JMJD1C: variants seen among roughly 807,000 people sequenced by gnomAD.
The protein encoded by JMJD1C is jumonji domain-containing protein 1C.
A neutral mutation model predicts 245.3 loss-of-function variants in JMJD1C; 31 were observed. That is an observed-to-expected ratio of 0.13 (90% CI 0.09 to 0.17). The LOEUF is 0.17. Among genes scored for constraint, JMJD1C ranks in the 10% least tolerant of loss-of-function variants. JMJD1C has a pLI of 1.00. For synonymous variants in JMJD1C, 1,057 were observed against 1,017.4 expected (o/e 1.04, Z -0.74); for missense variants, 2,691 against 3,000.2 (o/e 0.90, Z 2.41).
intron 2 of JMJD1C, among the ~76,000 whole-genome samples, chr10:63,309,420 G>C (rs922351052): frequency 8.7e-5 from 13 of 149,396 alleles, no homozygotes; most frequent in Admixed American, 4.0e-4. Context: ...CTTGAACCGG[G>C]GGGGCAGAGG....
intron 2 of JMJD1C, among the ~76,000 whole-genome samples, chr10:63,338,424 A>G (rs1413364831): frequency 6.6e-6 from 1 of 151,846 alleles, no homozygotes; most frequent in African/African-American, 2.4e-5. Context: ...ATGAGCCACC[A>G]TTCTCAGCCC....
rs367560361 is a variant in JMJD1C at position 63,403,986 on chromosome 10, G to A, written c.169-23504C>T. On this transcript the variant is annotated intron_variant, in intron 1 of 25. Transcript: ENST00000399262. Reference sequence around the variant, plus strand: ...AAAAATTAGCCTGGTATGGTGGCACGCACCTGTAGTCCCAGCTACTCAGGA... The same window carrying A: ...AAAAATTAGCCTGGTATGGTGGCACACACCTGTAGTCCCAGCTACTCAGGA... 3.1e-4 allele frequency among the ~76,000 whole-genome samples: 47 copies of A among 151,436 alleles called. No individual in the cohort carries two copies. In the South Asian group the frequency reaches 9.6e-3, roughly 31 times the overall value.
chr10:63,398,111 C>T (rs2132557843), intron 1 of JMJD1C, among the ~76,000 whole-genome samples: 1 of 152,264 alleles, frequency 6.6e-6, no homozygotes, highest in South Asian at 2.1e-4. Flanking sequence ...TTCTCTAAAA[C>T]TATCCATTAT....
At chr10:63,410,739 A>T (rs750338462) in intron 1 of JMJD1C, among the ~76,000 whole-genome samples, 20 of 152,124 alleles carry the variant, frequency 1.3e-4, no homozygotes, top group Admixed American at 2.6e-4. Context: ...TTTGGTTTTC[A>T]TAATACCCCA....
At position 63,191,277 on chromosome 10, in the gene JMJD1C, A is replaced by G. The variant is rs541103191; in HGVS notation, c.6077-169T>C. On this transcript the variant is annotated intron_variant, in intron 16 of 25. Transcript: ENST00000399262. ...TTCCCAAGTAGCTGGGACTACAGGC[A>G]TGTGCCACCAGGCCCAGCTAATTTT... Among the ~76,000 whole-genome samples, 5 of 152,254 alleles carry G rather than the reference A, an allele frequency of 3.3e-5. No individual in the cohort carries two copies. The South Asian group carries it at 8.3e-4, about 25-fold the overall frequency.
At chr10:63,174,618 G>T (rs775333864) in intron 24 of JMJD1C, among the ~76,000 whole-genome samples, 3 of 152,144 alleles carry the variant, frequency 2.0e-5, no homozygotes, top group Admixed American at 6.5e-5. Flanking sequence ...CAGATTACCT[G>T]AAGTCAGGAG....
intron 1 of JMJD1C, among the ~76,000 whole-genome samples, chr10:63,409,209 A>T (rs1444384237): frequency 6.6e-6 from 1 of 152,220 alleles, no homozygotes; most frequent in African/African-American, 2.4e-5. Flanking sequence ...AACCACTCGT[A>T]ATTGACATCT....
At position 63,261,337 on chromosome 10, in the gene JMJD1C, T is replaced by C. The variant is rs1378400578; in HGVS notation, c.447+3314A>G. On this transcript the variant is annotated intron_variant, in intron 3 of 25. Coordinates refer to ENST00000399262, the MANE Select transcript of JMJD1C (RefSeq NM_032776.3). ...GCTCACAACTGTATTCTCAGTACTT[T>C]TGGAGGCCAAGGCGGGGTGGATCAT... Among the ~76,000 whole-genome samples the C allele has an allele frequency of 7.2e-5, 11 of 152,264 alleles. No individual in the cohort carries two copies. In the East Asian group the frequency reaches 7.7e-4, roughly 11 times the overall value.
intron 1 of JMJD1C, among the ~76,000 whole-genome samples, chr10:63,395,801 G>C (rs532175246): frequency 6.6e-6 from 1 of 152,146 alleles, no homozygotes; most frequent in African/African-American, 2.4e-5. Flanking sequence ...CAATAAAGAT[G>C]AATTTCTAAT....
chr10:63,465,447 GC>G (rs1953161052), intron 1 of JMJD1C, 47 bp downstream of exon 1: 1 of 1,520,032 alleles, frequency 6.6e-7, no homozygotes. Context: ...GTCTGCGAGA[GC>G]CGGGTGCGGG....
intron 2 of JMJD1C, among the ~76,000 whole-genome samples, chr10:63,311,598 T>C (rs1363851617): frequency 2.0e-5 from 3 of 152,134 alleles, no homozygotes; most frequent in East Asian, 1.9e-4. Context: ...TAAGTTAAAA[T>C]ACATAATCGA....
intron 3 of JMJD1C, among the ~76,000 whole-genome samples, chr10:63,253,825 G>A (rs908915460): frequency 2.0e-5 from 3 of 152,022 alleles, no homozygotes; most frequent in African/African-American, 7.2e-5. Context: ...CAATACCTCC[G>A]CATCCCTACG....
intron 10 of JMJD1C, among the ~76,000 whole-genome samples, chr10:63,206,361 T>C (rs888893228): frequency 6.6e-6 from 1 of 152,220 alleles, no homozygotes; most frequent in Non-Finnish European, 1.5e-5. Flanking sequence ...TCAGGTAAGA[T>C]ATATATTTCT....
intron 2 of JMJD1C, among the ~76,000 whole-genome samples, chr10:63,296,331 T>C (rs1476557710): frequency 6.6e-6 from 1 of 152,066 alleles, no homozygotes; most frequent in Non-Finnish European, 1.5e-5. Context: ...TCATTAATAT[T>C]GAGATCACGA....
chr10:63,402,708 G>C (rs999609277), intron 1 of JMJD1C, among the ~76,000 whole-genome samples: 1 of 152,106 alleles, frequency 6.6e-6, no homozygotes, highest in Admixed American at 6.5e-5. Flanking sequence ...TTAGACTTCT[G>C]TTAGATTCTC....
chr10:63,284,533 A>G (rs1476523254), intron 2 of JMJD1C, among the ~76,000 whole-genome samples: 1 of 152,162 alleles, frequency 6.6e-6, no homozygotes, highest in Non-Finnish European at 1.5e-5. Flanking sequence ...ACCCTTCATT[A>G]ACTTCATCCA....
Position 63,180,764 on chromosome 10 carries a change from A to G in JMJD1C, c.7084+2683T>C, listed in dbSNP as rs192304169. ...ATTACAGGCATACACCACCATGCAC[A>G]GCTAATTTTTTTTTTTTTTTTTGAG... On this transcript the variant is annotated intron_variant, in intron 22 of 25. Transcript: ENST00000399262. Among the ~76,000 whole-genome samples the G allele has an allele frequency of 3.8e-3, 480 of 126,616 alleles. 3 individuals carry two copies. Among genetic ancestry groups the G allele is most frequent in the African/African-American group, 0.013 (465 of 36,070 alleles). 83.1% of individuals were successfully genotyped at this position (126,616 alleles called of 152,430 possible).
intron 1 of JMJD1C, among the ~76,000 whole-genome samples, chr10:63,414,610 G>A (rs1046885598): frequency 1.3e-5 from 2 of 151,902 alleles, no homozygotes; most frequent in Non-Finnish European, 2.9e-5. Context: ...ATTCTGCTCC[G>A]GGCACAGTAG....
chr10:63,238,907 CA>C (rs2133473604), intron 3 of JMJD1C, among the ~76,000 whole-genome samples: 1 of 152,264 alleles, frequency 6.6e-6, no homozygotes, highest in African/African-American at 2.4e-5. Context: ...TTCCTGACCT[CA>C]AGGATCTTAC....
Sources: gnomAD v4.1 joint callset for allele counts (sites outside exome capture counted in the v4.1 genomes callset) on GRCh38, gnomAD v4.1.1 for gene constraint, MANE v1.5 for transcripts, NCBI Gene and HGNC (gene_info 2026-07-23, HGNC 2026-07-21) for gene names.